Variants in NEO1 observed in about 807,000 individuals in gnomAD.
The protein encoded by NEO1 is neogenin 1.
NEO1 carries 63 observed loss-of-function variants against 159.7 expected under a neutral mutation model. That is an observed-to-expected ratio of 0.39 (90% CI 0.32 to 0.49). The LOEUF (loss-of-function observed/expected upper bound fraction) is 0.49, where lower values mean the gene tolerates loss of function less well. NEO1 is among the 20% of genes least tolerant of loss of function. The pLI is 0.85. For synonymous variants in NEO1, 633 were observed against 662.0 expected, an observed-to-expected ratio of 0.96 and a Z score of 0.67; for missense variants, 1,615 against 1,831.0, an observed-to-expected ratio of 0.88 and a Z score of 2.15.
chr15:73,287,367 A>G (rs1000812128), intron 23 of NEO1, among the ~76,000 whole-genome samples: 5 of 152,254 alleles, frequency 3.3e-5, no homozygotes, highest in African/African-American at 1.2e-4. Flanking sequence ...CAGTAAGCTC[A>G]GAACATTTTA....
chr15:73,123,866 A>G (rs2071816116), intron 3 of NEO1, among the ~76,000 whole-genome samples: 1 of 152,112 alleles, frequency 6.6e-6, no homozygotes, highest in East Asian at 1.9e-4. Flanking sequence ...TTTTTAATCT[A>G]TGGACTGGTT....
chr15:73,279,509 C>T (rs1204939313), intron 22 of NEO1, among the ~76,000 whole-genome samples: 2 of 151,840 alleles, frequency 1.3e-5, no homozygotes, highest in African/African-American at 2.4e-5. Flanking sequence ...CCACCACGCC[C>T]AGCTAATTTT....
At chr15:73,217,869 C>A (rs1335151557) in intron 7 of NEO1, among the ~76,000 whole-genome samples, 1 of 152,134 alleles carries the variant, frequency 6.6e-6, no homozygotes, top group African/African-American at 2.4e-5. Context: ...ATGTCATCTG[C>A]AAACAGGGAC....
intron 1 of NEO1, among the ~76,000 whole-genome samples, chr15:73,060,811 T>C (rs1322713672): frequency 6.7e-6 from 1 of 148,672 alleles, no homozygotes; most frequent in African/African-American, 2.4e-5. Context: ...CATGCCCAGC[T>C]AATTTTTTTG....
intron 5 of NEO1, among the ~76,000 whole-genome samples, chr15:73,142,749 G>A (rs2032517108): frequency 1.3e-5 from 2 of 152,302 alleles, no homozygotes; most frequent in East Asian, 3.9e-4. Flanking sequence ...CCTCAAGAGT[G>A]CGTCAGATCT....
In NEO1 at chr15:73,116,607, A is replaced by G. The variant is rs200575571; in HGVS notation, c.198A>G (p.Arg66=). 2.5e-6 allele frequency: 4 copies of G among 1,607,214 alleles called. No homozygotes were observed. The East Asian group carries it at 8.9e-5, about 36-fold the overall frequency. The change falls in exon 2 of 29, where the codon AGA becomes AGG. Residue 66 remains arginine (R), a synonymous_variant. Coordinates refer to ENST00000261908, the MANE Select transcript of NEO1 (RefSeq NM_002499.4). Reference sequence around the variant, plus strand: ...AGCCGGTGGATACACTCTCAGTTAGAGGCTCTTCTGTTATATTAAACTGTT... The same window carrying G: ...AGCCGGTGGATACACTCTCAGTTAGGGGCTCTTCTGTTATATTAAACTGTT... The part of the protein sequence containing the change: ...LVEPVDTLSV[R]GSSVILNCSA...
At chr15:73,179,882 CTG>C (rs2035502588) in intron 7 of NEO1, among the ~76,000 whole-genome samples, 1 of 150,368 alleles carries the variant, frequency 6.7e-6, no homozygotes. Flanking sequence ...TATATATACA[CTG>C]TTTTATATAA....
At chr15:73,219,432 A>G (rs1243942457) in intron 7 of NEO1, among the ~76,000 whole-genome samples, 81 of 143,044 alleles carry the variant, frequency 5.7e-4, no homozygotes, top group African/African-American at 1.5e-3. Flanking sequence ...GTAGATGTCT[A>G]TTAGGTCTGC....
chr15:73,108,786 A>G (rs2070819628), intron 1 of NEO1, among the ~76,000 whole-genome samples: 2 of 152,342 alleles, frequency 1.3e-5, no homozygotes, highest in East Asian at 3.9e-4. Flanking sequence ...ACATGAAGGA[A>G]GAAGCTAGCC....
chr15:73,200,773 TC>T (rs1329128503), intron 7 of NEO1, among the ~76,000 whole-genome samples: 2 of 150,770 alleles, frequency 1.3e-5, no homozygotes, highest in Admixed American at 6.6e-5. Context: ...AGCCTCGACT[TC>T]CTGGGCTCAG....
chr15:73,293,448 C>T lies in NEO1; in HGVS notation c.3801C>T (p.Ser1267=). The part of the protein sequence containing the change: ...SLDNPHHHFH[S]SSLASPARSH... ...ATAACCCTCACCATCATTTCCACTC[C>T]AGCAGCCTCGCTTCTCCAGCTCGCA... The change falls in exon 26 of 29, where the codon TCC becomes TCT. Residue 1267 remains serine (S), a synonymous_variant. Transcript: ENST00000261908. 1 of 1,614,186 alleles carries T rather than the reference C, an allele frequency of 6.2e-7. No homozygotes were observed. The highest frequency in any genetic ancestry group is 8.5e-7 in the Non-Finnish European group (1 of 1,180,032).
chr15:73,091,551 GTTA>G (rs1421533731), intron 1 of NEO1, among the ~76,000 whole-genome samples: 2 of 151,768 alleles, frequency 1.3e-5, no homozygotes, highest in Middle Eastern at 3.4e-3. Context: ...TTTTGTTGTT[GTTA>G]TTGTTTGTTT....
chr15:73,287,433 C>A (rs1445253562), intron 23 of NEO1, among the ~76,000 whole-genome samples: 2 of 152,208 alleles, frequency 1.3e-5, no homozygotes, highest in Non-Finnish European at 2.9e-5. Context: ...GAGGGCACAG[C>A]AGTCTAGCAC....
At chr15:73,210,162 C>T (rs1288912195) in intron 7 of NEO1, among the ~76,000 whole-genome samples, 1 of 152,146 alleles carries the variant, frequency 6.6e-6, no homozygotes, top group African/African-American at 2.4e-5. Context: ...AAGAGGTGGA[C>T]ACAAAAGGAC....
intron 6 of NEO1, among the ~76,000 whole-genome samples, chr15:73,178,045 G>A (rs2035382887): frequency 6.6e-6 from 1 of 152,178 alleles, no homozygotes; most frequent in South Asian, 2.1e-4. Context: ...CAAAGGTGTA[G>A]TTTGCAAACA....
chr15:73,143,377 G>A (rs1274060386), intron 5 of NEO1: 4 of 157,396 alleles, frequency 2.5e-5, no homozygotes, highest in Non-Finnish European at 5.6e-5. Context: ...TCCCACTCCC[G>A]GGTCACCTTC....
Position 73,282,955 on chromosome 15 carries a change from T to A in NEO1, c.3263-9T>A, listed in dbSNP as rs748049482. ...AACCCTAACACATGTACCATTTCTC[T>A]CTCTGCAGGCAGTAACAGCCCTCAT... On this transcript the variant is annotated splice_polypyrimidine_tract_variant and intron_variant, in intron 22 of 28. Transcript: ENST00000261908. 2.5e-6 allele frequency: 4 copies of A among 1,612,792 alleles called. No individual in the cohort carries two copies. The highest frequency in any genetic ancestry group is 3.4e-6 in the Non-Finnish European group (4 of 1,179,550).
chr15:73,237,798 CT>C (rs1276088606), intron 8 of NEO1, among the ~76,000 whole-genome samples: 1 of 152,210 alleles, frequency 6.6e-6, no homozygotes, highest in Non-Finnish European at 1.5e-5. Flanking sequence ...CTTCAATAGA[CT>C]TTGAAATCTC....
intron 5 of NEO1, among the ~76,000 whole-genome samples, chr15:73,146,042 G>A (rs755508680): frequency 2.6e-5 from 4 of 152,102 alleles, no homozygotes; most frequent in African/African-American, 2.4e-5. Context: ...CCACTCCCTT[G>A]CCTGGCTTTC....
Sources: gnomAD v4.1 joint callset for allele counts (sites outside exome capture counted in the v4.1 genomes callset) on GRCh38, gnomAD v4.1.1 for gene constraint, MANE v1.5 for transcripts, NCBI Gene and HGNC (gene_info 2026-07-23, HGNC 2026-07-21) for gene names.